The following EME1 variants were observed in gnomAD, a reference collection of about 807,000 sequenced individuals.
EME1 encodes structure-specific endonuclease subunit EME1.
A neutral mutation model predicts 59.1 loss-of-function variants in EME1; 61 were observed. The observed-to-expected ratio is 1.03, with a 90% CI of 0.84 to 1.28. The LOEUF (loss-of-function observed/expected upper bound fraction) is 1.28. Among genes scored for constraint, EME1 ranks in the 50% most tolerant of loss-of-function variants. The pLI, the probability that EME1 is intolerant of heterozygous loss-of-function variation, is 0.00. For missense variants in EME1, 635 were observed against 682.6 expected, an observed-to-expected ratio of 0.93 and a Z score of 0.78; for synonymous variants, 230 against 254.2, an observed-to-expected ratio of 0.90 and a Z score of 0.90.
At chr17:50,378,994 A>G (rs1384423343) in intron 5 of EME1, 99 bp downstream of exon 5, 1 of 1,611,624 alleles carries the variant, frequency 6.2e-7, no homozygotes, top group Non-Finnish European at 8.5e-7. Flanking sequence ...TCACTCTGCA[A>G]GGTAGTCCAT....
intron 3 of EME1, among the ~76,000 whole-genome samples, chr17:50,377,407 CTT>C (rs1168507285): frequency 1.3e-5 from 2 of 152,164 alleles, no homozygotes; most frequent in Non-Finnish European, 2.9e-5. Context: ...TAATATAGGT[CTT>C]GCTTTGCTTA....
Position 50,375,204 on chromosome 17 carries a change from T to C in EME1, c.-5T>C. On this transcript the variant is annotated 5_prime_UTR_variant, in exon 2 of 9. Coordinates refer to ENST00000338165, the MANE Select transcript of EME1 (RefSeq NM_152463.4). ...TTTTAGGGAATTATTTGATAGCACA[T>C]ACTGATGGCTCTAAAGAAGTCATCA... The C allele has an allele frequency of 6.2e-7, 1 of 1,612,896 alleles. No individual in the cohort carries two copies. Among genetic ancestry groups the C allele is most frequent in the Non-Finnish European group, 8.5e-7 (1 of 1,179,566 alleles).
At chr17:50,379,288 A>G in intron 6 of EME1, 64 bp downstream of exon 6, 1 of 1,606,914 alleles carries the variant, frequency 6.2e-7, no homozygotes, top group Non-Finnish European at 8.5e-7. Context: ...CTTGCTATTG[A>G]TAGAGAATAA....
rs534662638 is a variant in EME1 at position 50,375,952 on chromosome 17, C to T, written c.744C>T (p.Cys248=). 5.0e-6 allele frequency: 8 copies of T among 1,608,898 alleles called. No homozygotes were observed. Among genetic ancestry groups the T allele is most frequent in the African/African-American group, 1.3e-5 (1 of 74,772 alleles). ...TGAAAGCCCAGAGGCCAGAGGAATG[C>T]TTAAAACACATCATTGTAGTGCTGG... ...TRMKAQRPEE[C]LKHIIVVLDP... Residue 248 remains cysteine (C), a synonymous_variant, in exon 2 of 9, where the codon TGC becomes TGT. Transcript: ENST00000338165.
Position 50,375,536 on chromosome 17 carries a change from C to A in EME1, c.328C>A (p.Leu110Met). 4 of 1,614,114 alleles carry A rather than the reference C, an allele frequency of 2.5e-6. No homozygotes were observed. Among genetic ancestry groups the A allele is most frequent in the Non-Finnish European group, 3.4e-6 (4 of 1,179,982 alleles). The change falls in exon 2 of 9, where the codon CTG becomes ATG. Residue 110 changes from leucine (L) to methionine (M), a missense_variant. Physicochemically the swap from Leu to Met is conservative, Grantham distance 15 (BLOSUM62 2). Coordinates refer to ENST00000338165, the MANE Select transcript of EME1 (RefSeq NM_152463.4). ...ATGTAAGTTTCTGACCCACAAGCAA[C>A]TGAGCCCTGAGGACTCTAGCTCCCC... is the stretch of plus-strand genomic sequence containing the variant. ...LTCKFLTHKQ[L>M]SPEDSSSPVK...
At chr17:50,378,931 G>C (rs749008953) in intron 5 of EME1, 36 bp downstream of exon 5, 33 of 1,613,910 alleles carry the variant, frequency 2.0e-5, no homozygotes, top group African/African-American at 2.7e-5. Flanking sequence ...TGTTAAAAGG[G>C]GCAGCTCTTG....
At position 50,378,641 on chromosome 17, in the gene EME1, G is replaced by A. The variant is rs150290882; in HGVS notation, c.950G>A (p.Arg317Gln). The A allele has an allele frequency of 1.9e-4, 307 of 1,614,070 alleles. No individual in the cohort carries two copies. Among genetic ancestry groups the A allele is most frequent in the East Asian group, 1.3e-3 (57 of 44,874 alleles). Residue 317 changes from arginine (R) to glutamine (Q), a missense_variant, in exon 4 of 9, where the codon CGG (arginine) becomes CAG (glutamine). Transcript: ENST00000338165. ...VEEPTVLVLL[R>Q]AEAFVSMIDN... ...GAGCCAACAGTACTGGTGTTGCTCC[G>A]GGCAGAGGCATTTGTGTCCATGATC...
At chr17:50,374,866 T>G (rs939857441) in intron 1 of EME1, among the ~76,000 whole-genome samples, 1 of 152,018 alleles carries the variant, frequency 6.6e-6, no homozygotes, top group East Asian at 1.9e-4. Flanking sequence ...GAAGAACTTT[T>G]GACATCTCCA....
chr17:50,375,172 CTT>C lies in EME1; in HGVS notation c.-24-10_-24-9del, dbSNP rs1156353885. 1 of 1,598,174 alleles carries C rather than the reference CTT, an allele frequency of 6.3e-7. No homozygotes were observed. Among genetic ancestry groups the C allele is most frequent in the South Asian group, 1.1e-5 (1 of 87,752 alleles). ...ATGCTCCAGTCTGTGTCATATGTCTCTTTTCCTTTTAGGGAATTATTTGATAG... is the reference window on the plus strand; with the variant it reads ...ATGCTCCAGTCTGTGTCATATGTCTCTTCCTTTTAGGGAATTATTTGATAG... On this transcript the variant is annotated splice_polypyrimidine_tract_variant and intron_variant, in intron 1 of 8. Coordinates refer to ENST00000338165, the MANE Select transcript of EME1 (RefSeq NM_152463.4).
intron 7 of EME1, 87 bp downstream of exon 7, chr17:50,379,654 C>A: frequency 1.7e-6 from 2 of 1,147,124 alleles, no homozygotes; most frequent in African/African-American, 1.5e-5. Flanking sequence ...CCTTTCCCCT[C>A]ATCTCTGCAG....
rs1489644344 is a variant in EME1, at chr17:50,380,293, TCCAA to T, written c.1347-15_1347-12del. 6.3e-7 allele frequency: 1 copy of T among 1,582,034 alleles called. No homozygotes were observed. The highest frequency in any genetic ancestry group is 8.6e-7 in the Non-Finnish European group (1 of 1,163,642). ...AAGAGTAATGAGCAACTTACAGCTCTCCAACCACGCTGTTGCAGGAAGCTCCGAG... is the reference window on the plus strand; with the variant it reads ...AAGAGTAATGAGCAACTTACAGCTCTCCACGCTGTTGCAGGAAGCTCCGAG... On this transcript the variant is annotated splice_polypyrimidine_tract_variant and intron_variant, in intron 7 of 8. Transcript: ENST00000338165.
At position 50,375,491 on chromosome 17, in the gene EME1, C is replaced by G. The variant is rs767310180; in HGVS notation, c.283C>G (p.Pro95Ala). Reference protein sequence around the residue: ...SESEDEEEFIPLAQRLTCKFL... With the variant: ...SESEDEEEFIALAQRLTCKFL... ...AAGTGAAGATGAAGAAGAATTTATT[C>G]CTCTGGCTCAAAGGCTTACATGTAA... is the stretch of plus-strand genomic sequence containing the variant. The change falls in exon 2 of 9, where the codon CCT becomes GCT. Residue 95 changes from proline (P) to alanine (A), a missense_variant. Pro to Ala is a conservative substitution (Grantham distance 27). Coordinates refer to ENST00000338165, the MANE Select transcript of EME1 (RefSeq NM_152463.4). 1.2e-6 allele frequency: 2 copies of G among 1,613,822 alleles called. No individual in the cohort carries two copies. Among genetic ancestry groups the G allele is most frequent in the Non-Finnish European group, 1.7e-6 (2 of 1,179,836 alleles).
At chr17:50,379,281 G>A in intron 6 of EME1, 57 bp downstream of exon 6, 1 of 1,608,670 alleles carries the variant, frequency 6.2e-7, no homozygotes, top group Non-Finnish European at 8.5e-7. Flanking sequence ...CCTGAGACTT[G>A]CTATTGATAG....
chr17:50,376,022 C>T (rs199575755), intron 2 of EME1, 39 bp downstream of exon 2: 35 of 1,606,894 alleles, frequency 2.2e-5, no homozygotes, highest in East Asian at 4.5e-5. Context: ...GAGTTATCTG[C>T]GTTCTGGACC....
intron 3 of EME1, 86 bp downstream of exon 3, chr17:50,376,279 C>T (rs1388230115): frequency 1.9e-6 from 3 of 1,554,508 alleles, no homozygotes; most frequent in Non-Finnish European, 2.6e-6. Context: ...GGATACTTAT[C>T]AGGGCCCCAG....
rs550246717 is a variant in EME1, at chr17:50,373,442, AT to A, written c.-25+168del. Reference sequence around the variant, plus strand: ...GGGGCCCGCTTGTCCCACTCCCCTGATTTGCAGATGTCAACGGAGGCCCAGC... The same window carrying A: ...GGGGCCCGCTTGTCCCACTCCCCTGATTGCAGATGTCAACGGAGGCCCAGC... On this transcript the variant is annotated intron_variant, in intron 1 of 8. Transcript: ENST00000338165. Among the ~76,000 whole-genome samples the A allele has an allele frequency of 1.1e-3, 168 of 152,296 alleles. 2 individuals carry two copies. Among genetic ancestry groups the A allele is most frequent in the African/African-American group, 3.8e-3 (157 of 41,558 alleles).
In EME1 at chr17:50,375,693, T is replaced by C; in HGVS notation, c.485T>C (p.Ile162Thr). ...AGTGCAGCAGATAACAAGGACCTGA[T>C]CTTAGATCCATGCTGTCAGCTTCCA... ...ERSAADNKDL[I>T]LDPCCQLPAY... The change falls in exon 2 of 9, where the codon ATC becomes ACC. Residue 162 changes from isoleucine to threonine, a missense_variant. Ile to Thr is a moderately conservative substitution (Grantham distance 89, BLOSUM62 -1). Transcript: ENST00000338165. The C allele has an allele frequency of 6.2e-7, 1 of 1,614,064 alleles. No homozygotes were observed. The highest frequency in any genetic ancestry group is 8.5e-7 in the Non-Finnish European group (1 of 1,180,012).
chr17:50,374,820 G>A (rs1385779765), intron 1 of EME1, among the ~76,000 whole-genome samples: 1 of 151,916 alleles, frequency 6.6e-6, no homozygotes, highest in Non-Finnish European at 1.5e-5. Context: ...CTCCAACGTG[G>A]GTGCCAGAGT....
At chr17:50,374,459 G>C (rs549575719) in intron 1 of EME1, among the ~76,000 whole-genome samples, 1 of 151,990 alleles carries the variant, frequency 6.6e-6, no homozygotes, top group African/African-American at 2.4e-5. Flanking sequence ...GGCTGTTCTC[G>C]AACTCCTGGG....
Sources: allele counts gnomAD v4.1 joint callset (sites outside exome capture counted in the v4.1 genomes callset), GRCh38; gene constraint gnomAD v4.1.1; transcripts MANE v1.5; gene names NCBI Gene and HGNC (gene_info 2026-07-23, HGNC 2026-07-21).